MAP2K2: variants seen among roughly 807,000 people sequenced by gnomAD.
The protein encoded by MAP2K2 is dual specificity mitogen-activated protein kinase kinase 2.
A neutral mutation model predicts 43.7 loss-of-function variants in MAP2K2; 24 were observed. The ratio of observed to expected loss-of-function variants is 0.55; its 90% CI spans 0.40 to 0.77. MAP2K2 has a LOEUF of 0.77. Ranked by LOEUF, MAP2K2 falls within the 30% of genes least tolerant of loss-of-function variation. The pLI is 0.00. For missense variants in MAP2K2, 470 were observed against 566.8 expected (o/e 0.83, Z 1.73); for synonymous variants, 244 against 239.7 (o/e 1.02, Z -0.17).
chr19:4,120,626 C>A (rs999946510), intron 1 of MAP2K2, among the ~76,000 whole-genome samples: 8 of 152,200 alleles, frequency 5.3e-5, no homozygotes, highest in Admixed American at 5.2e-4. Context: ...CATGAATGAA[C>A]ACTTCTGATG....
chr19:4,122,769 C>T lies in MAP2K2; in HGVS notation c.92+1015G>A, dbSNP rs531346559. Among the ~76,000 whole-genome samples, 10 of 151,448 alleles carry T rather than the reference C, an allele frequency of 6.6e-5. No homozygotes were observed. In the South Asian group the frequency reaches 1.9e-3, roughly 28 times the overall value. On this transcript the variant is annotated intron_variant, in intron 1 of 10. Transcript: ENST00000262948. ...GATTTCACTATTCAGGGACCGTTCA[C>T]CCCATTTCACTACTCAGAGACCTAC...
Position 4,117,475 on chromosome 19 carries a change from C to T in MAP2K2, c.247G>A (p.Gly83Ser), listed in dbSNP as rs765755554. The T allele has an allele frequency of 2.4e-5, 38 of 1,614,026 alleles. No homozygotes were observed. The highest frequency in any genetic ancestry group is 1.6e-4 in the Middle Eastern group (1 of 6,076). ...TGCTGGACTTTGGTGACCACCCCGC[C>T]GTTGCCCGCGCCCAGCTCTGAGATC... ...ERISELGAGN[G>S]GVVTKVQHRP... Residue 83 changes from glycine to serine, a missense_variant, in exon 2 of 11, where the codon GGC becomes AGC. Physicochemically the swap from Gly to Ser is moderately conservative, Grantham distance 56 (BLOSUM62 0). This residue lies in a region of MAP2K2 where 200 missense variants were observed against 297.9 expected (regional missense o/e 0.67). Coordinates refer to ENST00000262948, the MANE Select transcript of MAP2K2 (RefSeq NM_030662.4).
chr19:4,107,523 C>CAA (rs71166959), intron 3 of MAP2K2, among the ~76,000 whole-genome samples: 235 of 58,834 alleles, frequency 4.0e-3, no homozygotes, highest in African/African-American at 5.9e-3. Flanking sequence ...GACTCCGTCT[C>CAA]AAAAAAAAAA....
chr19:4,108,327 G>C (rs2041112937), intron 3 of MAP2K2, among the ~76,000 whole-genome samples: 1 of 152,042 alleles, frequency 6.6e-6, no homozygotes, highest in African/African-American at 2.4e-5. Context: ...TGAAAGCTCT[G>C]CCTCCAGGGT....
intron 2 of MAP2K2, among the ~76,000 whole-genome samples, chr19:4,112,990 G>A (rs350896): frequency 0.36 from 55,150 of 152,106 alleles, 12,320 homozygotes; most frequent in East Asian, 0.61. Flanking sequence ...CAGCACGTCC[G>A]GACTGACCGC....
At chr19:4,103,066 G>T in intron 3 of MAP2K2, 6 of 1,023,634 alleles carry the variant, frequency 5.9e-6, no homozygotes, top group Non-Finnish European at 7.0e-6. Flanking sequence ...ACCTAGGGCA[G>T]AAAGGCCAGG....
At chr19:4,122,997 C>G (rs1004528607) in intron 1 of MAP2K2, among the ~76,000 whole-genome samples, 1 of 151,022 alleles carries the variant, frequency 6.6e-6, no homozygotes, top group African/African-American at 2.4e-5. Context: ...CAGGGGCTGC[C>G]TGACCTCCCC....
intron 2 of MAP2K2, among the ~76,000 whole-genome samples, chr19:4,112,898 G>A (rs188943822): frequency 2.0e-5 from 3 of 152,334 alleles, no homozygotes; most frequent in Admixed American, 2.0e-4. Flanking sequence ...GGATGTTCAC[G>A]TGGAGGTTGG....
intron 1 of MAP2K2, among the ~76,000 whole-genome samples, chr19:4,122,952 T>TC (rs1378431890): frequency 6.8e-6 from 1 of 146,582 alleles, no homozygotes; most frequent in African/African-American, 2.6e-5. Context: ...CCCCATCCTC[T>TC]CCCCTCTGGA....
chr19:4,113,850 G>A (rs1254147324), intron 2 of MAP2K2, among the ~76,000 whole-genome samples: 2 of 152,052 alleles, frequency 1.3e-5, no homozygotes, highest in Admixed American at 6.6e-5. Context: ...GGACCGAGCC[G>A]CCCCCCGGCC....
At chr19:4,111,017 T>G (rs1451344591) in intron 2 of MAP2K2, among the ~76,000 whole-genome samples, 3 of 152,140 alleles carry the variant, frequency 2.0e-5, no homozygotes, top group Non-Finnish European at 4.4e-5. Flanking sequence ...GATGTCATGC[T>G]TAGTGCGAGA....
chr19:4,108,297 G>A (rs906374460), intron 3 of MAP2K2, among the ~76,000 whole-genome samples: 10 of 152,148 alleles, frequency 6.6e-5, no homozygotes, highest in Non-Finnish European at 7.4e-5. Flanking sequence ...CTGGAGTGCA[G>A]TGGCACGATC....
At chr19:4,094,575 C>T (rs2040888028) in intron 9 of MAP2K2, 77 bp from the exon 10 acceptor site, 3 of 1,404,154 alleles carry the variant, frequency 2.1e-6, no homozygotes, top group South Asian at 1.2e-5. Flanking sequence ...CCCCGGGGCA[C>T]CCGCGTGTGG....
Position 4,090,390 on chromosome 19 carries a change from C to T in MAP2K2, c.*208G>A, listed in dbSNP as rs768727686. On this transcript the variant is annotated 3_prime_UTR_variant, in exon 11 of 11. Coordinates refer to ENST00000262948, the MANE Select transcript of MAP2K2 (RefSeq NM_030662.4). ...GAGCCTCTGAGACCACACACAGCAGCGTCGCCCGTCCCCAGAGGCACCCCG... is the reference window on the plus strand; with the variant it reads ...GAGCCTCTGAGACCACACACAGCAGTGTCGCCCGTCCCCAGAGGCACCCCG... 1.9e-5 allele frequency: 12 copies of T among 619,946 alleles called. No homozygotes were observed. Among genetic ancestry groups the T allele is most frequent in the Admixed American group, 5.1e-5 (2 of 39,134 alleles). The allele number at this position is 619,946 out of a possible 1,614,324, so 38.4% of individuals were successfully genotyped here. A position where few individuals can be genotyped will look rare whatever the true frequency, so the allele number is the denominator to read the frequency against.
At chr19:4,098,809 G>C (rs2040957842) in intron 7 of MAP2K2, among the ~76,000 whole-genome samples, 1 of 152,276 alleles carries the variant, frequency 6.6e-6, no homozygotes, top group Admixed American at 6.5e-5. Context: ...TGGAAGGCTT[G>C]GCCCGCAGCA....
chr19:4,094,942 T>A (rs1226668551), intron 9 of MAP2K2: 3 of 354,162 alleles, frequency 8.5e-6, no homozygotes, highest in Non-Finnish European at 1.6e-5. Flanking sequence ...TGTCCGCAGC[T>A]CCTTCCCCGT....
chr19:4,114,683 T>C (rs760041757), intron 2 of MAP2K2, among the ~76,000 whole-genome samples: 2 of 151,878 alleles, frequency 1.3e-5, no homozygotes, highest in Non-Finnish European at 2.9e-5. Context: ...GCGCGGTGGC[T>C]CACGCCTGTA....
chr19:4,091,356 ATTTT>A (rs558330774), intron 10 of MAP2K2, among the ~76,000 whole-genome samples: 4 of 145,946 alleles, frequency 2.7e-5, no homozygotes, highest in African/African-American at 1.0e-4. Flanking sequence ...TTTTACTTTA[ATTTT>A]TTTTTTTTTT....
At chr19:4,102,264 G>A in intron 4 of MAP2K2, 112 bp downstream of exon 4, 1 of 923,848 alleles carries the variant, frequency 1.1e-6, no homozygotes, top group South Asian at 1.4e-5. Flanking sequence ...TCTTTCTGCA[G>A]GGGCCACCCT....
Sources: allele counts gnomAD v4.1 joint callset (sites outside exome capture counted in the v4.1 genomes callset), GRCh38; gene constraint gnomAD v4.1.1; regional missense constraint gnomAD v4.1.1; transcripts MANE v1.5; gene names NCBI Gene and HGNC (gene_info 2026-07-23, HGNC 2026-07-21).